The following KLF17 variants were observed in gnomAD, a reference collection of about 807,000 sequenced individuals.
The protein encoded by KLF17 is Krueppel-like factor 17.
In KLF17, 31 loss-of-function variants were observed where a neutral mutation model predicts 34.2. The observed-to-expected ratio is 0.91, with a 90% CI of 0.68 to 1.22. KLF17 has a LOEUF of 1.22. Among genes scored for constraint, KLF17 ranks in the 50% most tolerant of loss-of-function variants. The pLI is 0.00. For missense variants in KLF17, 478 were observed against 505.2 expected, an observed-to-expected ratio of 0.95 and a Z score of 0.52; for synonymous variants, 179 against 186.7, an observed-to-expected ratio of 0.96 and a Z score of 0.34.
rs967430823 is a variant in KLF17 at position 44,133,430 on chromosome 1, A to T, written c.*193A>T. 1.3e-5 allele frequency: 2 copies of T among 152,248 alleles called. 1 individual carries two copies. Among genetic ancestry groups the T allele is most frequent in the South Asian group, 4.1e-4 (2 of 4,826 alleles). 9.4% of individuals were successfully genotyped at this position (152,248 alleles called of 1,614,324 possible). A position where few individuals can be genotyped will look rare whatever the true frequency, so the allele number is the denominator to read the frequency against. Reference sequence around the variant, plus strand: ...CTAAAGGATGTGTCAGGGAAGAAAGACTTCTCAAGGAGGTGCCTCCATCAG... The same window carrying T: ...CTAAAGGATGTGTCAGGGAAGAAAGTCTTCTCAAGGAGGTGCCTCCATCAG... On this transcript the variant is annotated 3_prime_UTR_variant, in exon 4 of 4. Coordinates refer to ENST00000372299, the MANE Select transcript of KLF17 (RefSeq NM_173484.4).
At chr1:44,098,488 A>T in the KLF17 span, among the ~76,000 whole-genome samples, 434 of 69,564 alleles carry the variant, frequency 6.2e-3, no homozygotes, top group Non-Finnish European at 0.011. Flanking sequence ...TATTTTTTTT[A>T]AAAAAGATTA....
At chr1:44,123,321 CAA>C (rs1323427778) in intron 1 of KLF17, among the ~76,000 whole-genome samples, 1 of 152,144 alleles carries the variant, frequency 6.6e-6, no homozygotes, top group Non-Finnish European at 1.5e-5. Context: ...TTCGTAGTCT[CAA>C]AATGCTCAGC....
the KLF17 span, chr1:44,103,827 A>C: frequency 1.2e-6 from 1 of 803,974 alleles, no homozygotes; most frequent in Non-Finnish European, 2.2e-6. Flanking sequence ...CTCAGCCTGG[A>C]GCCCACTGAT....
the KLF17 span, among the ~76,000 whole-genome samples, chr1:44,061,959 G>A: frequency 5.9e-5 from 9 of 152,226 alleles, no homozygotes; most frequent in Non-Finnish European, 1.5e-5. Flanking sequence ...GCCCTGAGCT[G>A]CTACTGTGTA....
At chr1:44,100,994 A>T in the KLF17 span, among the ~76,000 whole-genome samples, 1 of 152,350 alleles carries the variant, frequency 6.6e-6, no homozygotes, top group East Asian at 1.9e-4. Context: ...TGACATTTAA[A>T]AACACAACTA....
intron 1 of KLF17, among the ~76,000 whole-genome samples, chr1:44,123,936 T>C (rs573684426): frequency 6.6e-6 from 1 of 152,136 alleles, no homozygotes; most frequent in South Asian, 2.1e-4. Flanking sequence ...TATTTTTTTC[T>C]AAAAGCGGCA....
At chr1:44,131,704 T>C (rs554121178) in intron 3 of KLF17, among the ~76,000 whole-genome samples, 4 of 150,768 alleles carry the variant, frequency 2.7e-5, no homozygotes, top group Non-Finnish European at 5.9e-5. Flanking sequence ...TGGGGAAATT[T>C]ATTTATTTGA....
the KLF17 span, chr1:44,105,243 C>T: frequency 1.3e-5 from 2 of 152,118 alleles, no homozygotes; most frequent in Non-Finnish European, 2.9e-5. Context: ...GGTGTGTGAC[C>T]TGAGGGAAGT....
chr1:44,102,371 G>A, the KLF17 span, among the ~76,000 whole-genome samples: 13 of 151,832 alleles, frequency 8.6e-5, no homozygotes, highest in African/African-American at 3.1e-4. Flanking sequence ...GGCCAACAAC[G>A]GTGAAACCCT....
At chr1:44,127,765 CTCT>C (rs374608293) in intron 1 of KLF17, among the ~76,000 whole-genome samples, 7 of 124,192 alleles carry the variant, frequency 5.6e-5, no homozygotes, top group African/African-American at 2.1e-4. Context: ...TTTCTTTCTT[CTCT>C]TCTTTCTTTC....
the KLF17 span, among the ~76,000 whole-genome samples, chr1:44,067,422 TTAGGTCAG>T: frequency 3.3e-5 from 5 of 152,216 alleles, no homozygotes; most frequent in Admixed American, 6.5e-5. Flanking sequence ...AGGAAGGCTC[TTAGGTCAG>T]GTTCCCGAGA....
rs190268389 is a variant in KLF17 at position 44,121,203 on chromosome 1, G to A, written c.81+2215G>A. ...ACCATCTCAGCTCACTGAAACCTCC[G>A]CTTCCCAGGTTCAAGCAATTCTCGT... On this transcript the variant is annotated intron_variant, in intron 1 of 3. Coordinates refer to ENST00000372299, the MANE Select transcript of KLF17 (RefSeq NM_173484.4). Among the ~76,000 whole-genome samples, 569 of 152,136 alleles carry A rather than the reference G, an allele frequency of 3.7e-3. 2 individuals are homozygous for A. Among genetic ancestry groups the A allele is most frequent in the African/African-American group, 0.013 (547 of 41,508 alleles).
the KLF17 span, among the ~76,000 whole-genome samples, chr1:44,094,286 C>A: frequency 6.6e-6 from 1 of 152,110 alleles, no homozygotes; most frequent in Non-Finnish European, 1.5e-5. Context: ...TTCCCCCATT[C>A]CATGGGTTGT....
At chr1:44,126,395 G>A (rs556323805) in intron 1 of KLF17, among the ~76,000 whole-genome samples, 2 of 152,330 alleles carry the variant, frequency 1.3e-5, no homozygotes, top group African/African-American at 4.8e-5. Context: ...AACATGGGGT[G>A]TGTATCGGTA....
upstream of KLF17, among the ~76,000 whole-genome samples, chr1:44,116,505 A>G (rs1471285484): frequency 6.6e-6 from 1 of 151,682 alleles, no homozygotes; most frequent in Non-Finnish European, 1.5e-5. Context: ...CTGCCACCTC[A>G]TTTTTCTGCT....
Position 44,129,800 on chromosome 1 carries a change from G to C in KLF17, c.529G>C (p.Val177Leu). 6.2e-7 allele frequency: 1 copy of C among 1,614,182 alleles called. No homozygotes were observed. Among genetic ancestry groups the C allele is most frequent in the African/African-American group, 1.3e-5 (1 of 75,056 alleles). The change falls in exon 2 of 4, where the codon GTG becomes CTG. Residue 177 changes from valine to leucine, a missense_variant. Coordinates refer to ENST00000372299, the MANE Select transcript of KLF17 (RefSeq NM_173484.4). ...PIMSHTGNPP[V>L]PYPGLSTVPS... Reference sequence around the variant, plus strand: ...AATGTCCCACACTGGGAACCCTCCAGTGCCTTACCCTGGCCTCTCGACAGT... The same window carrying C: ...AATGTCCCACACTGGGAACCCTCCACTGCCTTACCCTGGCCTCTCGACAGT...
At chr1:44,103,508 A>T in the KLF17 span, 3 of 1,125,788 alleles carry the variant, frequency 2.7e-6, no homozygotes, top group Non-Finnish European at 4.0e-6. Flanking sequence ...AGCTCAGCGC[A>T]CCTGCATAGC....
chr1:44,071,720 C>A, the KLF17 span, among the ~76,000 whole-genome samples: 2 of 152,174 alleles, frequency 1.3e-5, no homozygotes, highest in African/African-American at 4.8e-5. Context: ...CTTCCTCAAC[C>A]CATTTTCCGT....
intron 1 of KLF17, among the ~76,000 whole-genome samples, chr1:44,120,246 A>C (rs2087930984): frequency 6.6e-6 from 1 of 152,244 alleles, no homozygotes; most frequent in Admixed American, 6.5e-5. Context: ...AAGGACTCAA[A>C]CAATAGGTAG....
Sources: gnomAD v4.1 joint callset for allele counts (sites outside exome capture counted in the v4.1 genomes callset) on GRCh38, gnomAD v4.1.1 for gene constraint, MANE v1.5 for transcripts, NCBI Gene and HGNC (gene_info 2026-07-23, HGNC 2026-07-21) for gene names.